FAM53A: variants seen among roughly 807,000 people sequenced by gnomAD.
FAM53A encodes family with sequence similarity 53 member A.
In FAM53A, 28 loss-of-function variants were observed where a neutral mutation model predicts 26.6. The observed-to-expected ratio is 1.05, with a 90% confidence interval of 0.78 to 1.45. The LOEUF is 1.45. Among genes scored for constraint, FAM53A ranks in the 40% most tolerant of loss-of-function variants. The pLI is 0.00. For synonymous variants in FAM53A, 290 were observed against 253.1 expected (o/e 1.15, Z -1.38); for missense variants, 650 against 575.8 (o/e 1.13, Z -1.32).
At chr4:1,681,022 C>T (rs1051145598) in intron 1 of FAM53A, among the ~76,000 whole-genome samples, 3 of 152,080 alleles carry the variant, frequency 2.0e-5, no homozygotes, top group Non-Finnish European at 2.9e-5. Flanking sequence ...CTGTAGCAAA[C>T]GTACTACTCC....
chr4:1,666,480 T>A (rs28541823), intron 2 of FAM53A, among the ~76,000 whole-genome samples: 145,209 of 149,522 alleles, frequency 0.97, 70,642 homozygotes, highest in East Asian at 1. Context: ...AGCACAGAGG[T>A]CGTGGGGGCC....
intron 4 of FAM53A, chr4:1,644,304 T>C (rs1712035070): frequency 6.5e-7 from 1 of 1,535,926 alleles, no homozygotes; most frequent in South Asian, 1.2e-5. Context: ...CGCCGAGGCC[T>C]CGGACGCGGG....
chr4:1,611,345 G>T, the FAM53A span, among the ~76,000 whole-genome samples: 1 of 152,186 alleles, frequency 6.6e-6, no homozygotes, highest in African/African-American at 2.4e-5. Flanking sequence ...AAGCCTTGGT[G>T]TTCAGCAGTC....
At chr4:1,672,133 G>C (rs13116550) in intron 1 of FAM53A, among the ~76,000 whole-genome samples, 88,194 of 148,686 alleles carry the variant, frequency 0.59, 27,307 homozygotes, top group East Asian at 0.89. Context: ...CAGGGACCTA[G>C]GGACCCAAAG....
downstream of FAM53A, among the ~76,000 whole-genome samples, chr4:1,615,896 C>A (rs1174621059): frequency 1.3e-5 from 2 of 152,186 alleles, no homozygotes; most frequent in Non-Finnish European, 2.9e-5. Context: ...AGGGCAGGGG[C>A]TGGGCAGGGA....
chr4:1,633,476 T>C (rs547350659), intron 1 of FAM53A, among the ~76,000 whole-genome samples: 18 of 152,074 alleles, frequency 1.2e-4, no homozygotes, highest in African/African-American at 4.1e-4. Flanking sequence ...CTTTTATTAC[T>C]GAGCAAGAGA....
At chr4:1,648,547 G>T (rs1295782238) in intron 4 of FAM53A, among the ~76,000 whole-genome samples, 1 of 152,162 alleles carries the variant, frequency 6.6e-6, no homozygotes, top group African/African-American at 2.4e-5. Context: ...TGTCTCCTCA[G>T]GGGCTTTCCT....
intron 4 of FAM53A, chr4:1,644,210 C>G (rs781001106): frequency 2.5e-5 from 38 of 1,535,882 alleles, no homozygotes; most frequent in Non-Finnish European, 3.2e-5. Context: ...AGGTTTCCTT[C>G]CATTTCAAAC....
intron 4 of FAM53A, among the ~76,000 whole-genome samples, chr4:1,647,376 T>C (rs575400182): frequency 6.7e-6 from 1 of 150,332 alleles, no homozygotes; most frequent in Non-Finnish European, 1.5e-5. Context: ...AATGTTTTCC[T>C]AGGAAAACAT....
the FAM53A span, among the ~76,000 whole-genome samples, chr4:1,595,733 G>A: frequency 2.0e-5 from 3 of 152,356 alleles, no homozygotes; most frequent in East Asian, 1.9e-4. Flanking sequence ...CAGTCCAGCC[G>A]GGCAGAGAGG....
intron 4 of FAM53A, among the ~76,000 whole-genome samples, chr4:1,653,119 C>T (rs1031167329): frequency 1.3e-5 from 2 of 151,766 alleles, no homozygotes. Context: ...ACTACACACA[C>T]CACACAGCAC....
At chr4:1,649,166 G>GAAGGT (rs1712516614) in intron 4 of FAM53A, among the ~76,000 whole-genome samples, 1 of 139,466 alleles carries the variant, frequency 7.2e-6, no homozygotes, top group Non-Finnish European at 1.5e-5. Flanking sequence ...AAAGGGAAGG[G>GAAGGT]GAAAGGGAAA....
chr4:1,617,109 G>GC (rs1714838453), downstream of FAM53A, among the ~76,000 whole-genome samples: 1 of 71,112 alleles, frequency 1.4e-5, no homozygotes, highest in African/African-American at 5.7e-5. Flanking sequence ...TGCACTCCAG[G>GC]CAACAGAGGG....
chr4:1,644,425 G>A (rs1712054236), intron 4 of FAM53A: 2 of 1,489,050 alleles, frequency 1.3e-6, no homozygotes, highest in African/African-American at 1.4e-5. Flanking sequence ...CACAGACACG[G>A]CAGCTGTACA....
intron 4 of FAM53A, among the ~76,000 whole-genome samples, chr4:1,651,297 C>T (rs186916777): frequency 4.2e-4 from 64 of 151,550 alleles, no homozygotes; most frequent in African/African-American, 1.3e-3. Flanking sequence ...TTTGGGAGGC[C>T]GAGGCAGGCG....
chr4:1,667,110 A>G (rs961550123), intron 2 of FAM53A, among the ~76,000 whole-genome samples: 1 of 149,382 alleles, frequency 6.7e-6, no homozygotes, highest in African/African-American at 2.5e-5. Flanking sequence ...CCTGGGCGAC[A>G]GAGCAAGACT....
chr4:1,670,953 CCCCCAGCT>C (rs1714596678), intron 1 of FAM53A, among the ~76,000 whole-genome samples: 5 of 149,126 alleles, frequency 3.4e-5, no homozygotes, highest in Non-Finnish European at 7.4e-5. Flanking sequence ...AGCGTCAGAG[CCCCCAGCT>C]CACAGCCACA....
intron 1 of FAM53A, among the ~76,000 whole-genome samples, chr4:1,627,871 T>A (rs980196914): frequency 6.6e-6 from 1 of 151,730 alleles, no homozygotes; most frequent in Non-Finnish European, 1.5e-5. Context: ...CCACCCACCA[T>A]GAAGTGACTC....
chr4:1,648,894 C>T (rs1712482053), intron 4 of FAM53A, among the ~76,000 whole-genome samples: 1 of 152,132 alleles, frequency 6.6e-6, no homozygotes, highest in Admixed American at 6.5e-5. Context: ...AGGCGGATTA[C>T]CTGAGGCCAA....
Sources: allele counts gnomAD v4.1 joint callset (sites outside exome capture counted in the v4.1 genomes callset), GRCh38; gene constraint gnomAD v4.1.1; transcripts MANE v1.5; gene names NCBI Gene and HGNC (gene_info 2026-07-23, HGNC 2026-07-21).